The following ACACB variants were observed in gnomAD, a reference collection of about 807,000 sequenced individuals.
The protein encoded by ACACB is acetyl-CoA carboxylase 2.
A neutral mutation model predicts 278.8 loss-of-function variants in ACACB; 209 were observed. That is an observed-to-expected ratio of 0.75 (90% CI 0.67 to 0.84). The LOEUF (loss-of-function observed/expected upper bound fraction) is 0.84. Among genes scored for constraint, ACACB ranks in the 40% least tolerant of loss-of-function variants. The probability of loss-of-function intolerance (pLI) is 0.00; values close to 1 mark genes in which losing one functional copy is unlikely to be tolerated. For synonymous variants in ACACB, 1,174 were observed against 1,285.6 expected, an observed-to-expected ratio of 0.91 and a Z score of 1.86; for missense variants, 2,850 against 3,269.0, an observed-to-expected ratio of 0.87 and a Z score of 3.13.
At position 109,145,410 on chromosome 12, in the gene ACACB, T is replaced by A. The variant is rs1411522747; in HGVS notation, c.653+5352T>A. 2.6e-5 allele frequency among the ~76,000 whole-genome samples: 4 copies of A among 152,300 alleles called. No individual in the cohort carries two copies. In the East Asian group the frequency reaches 7.7e-4, roughly 29 times the overall value. On this transcript the variant is annotated intron_variant, in intron 2 of 52. Transcript: ENST00000338432. Reference sequence around the variant, plus strand: ...CTTTTACGAGCCATTGCTTGCATAGTGTACATTGTATCTATTAGGTAATTT... The same window carrying A: ...CTTTTACGAGCCATTGCTTGCATAGAGTACATTGTATCTATTAGGTAATTT...
chr12:109,260,309 C>T (rs770821080), intron 47 of ACACB, among the ~76,000 whole-genome samples, 171 bp from the exon 48 acceptor site: 16 of 152,120 alleles, frequency 1.1e-4, no homozygotes, highest in East Asian at 7.7e-4. Flanking sequence ...ATGACCTGTT[C>T]GAGGTCACAC....
In ACACB at chr12:109,222,566, G is replaced by A. The variant is rs757434963; in HGVS notation, c.3624G>A (p.Glu1208=). ...LSDELISILN[E]LTQLSKSEHC... Reference sequence around the variant, plus strand: ...ACGAGCTGATCTCCATCCTCAACGAGCTCACTCAGCTGAGCAAAAGCGAGC... The same window carrying A: ...ACGAGCTGATCTCCATCCTCAACGAACTCACTCAGCTGAGCAAAAGCGAGC... Residue 1208 remains glutamate, a synonymous_variant, in exon 25 of 53, where the codon GAG becomes GAA. Coordinates refer to ENST00000338432, the MANE Select transcript of ACACB (RefSeq NM_001093.4). The A allele has an allele frequency of 1.2e-6, 2 of 1,614,054 alleles. No individual in the cohort carries two copies. The highest frequency in any genetic ancestry group is 8.5e-7 in the Non-Finnish European group (1 of 1,180,038).
chr12:109,172,960 A>C (rs2044166462), intron 6 of ACACB, among the ~76,000 whole-genome samples: 1 of 152,240 alleles, frequency 6.6e-6, no homozygotes, highest in Admixed American at 6.5e-5. Context: ...AATGTGGTAC[A>C]TATACACCAT....
At chr12:109,247,167 C>T (rs1373254149) in intron 39 of ACACB, among the ~76,000 whole-genome samples, 1 of 151,686 alleles carries the variant, frequency 6.6e-6, no homozygotes, top group Non-Finnish European at 1.5e-5. Flanking sequence ...CGCACGCATT[C>T]TGTGATGTGA....
intron 22 of ACACB, among the ~76,000 whole-genome samples, chr12:109,216,364 G>A (rs947880019): frequency 4.0e-5 from 6 of 151,810 alleles, no homozygotes; most frequent in African/African-American, 1.5e-4. Flanking sequence ...TGGGACTACC[G>A]GCGCGTGCCA....
intron 2 of ACACB, among the ~76,000 whole-genome samples, chr12:109,162,935 T>C (rs934994885): frequency 6.6e-6 from 1 of 152,182 alleles, no homozygotes; most frequent in African/African-American, 2.4e-5. Flanking sequence ...TTTCTTTTTC[T>C]TTTTTGAGAT....
intron 7 of ACACB, among the ~76,000 whole-genome samples, chr12:109,174,468 T>C (rs2044217985): frequency 1.3e-5 from 2 of 151,912 alleles, no homozygotes; most frequent in South Asian, 4.1e-4. Context: ...AAATCATTCA[T>C]AATCCTATGA....
chr12:109,210,046 T>C (rs2045675371), intron 21 of ACACB, among the ~76,000 whole-genome samples: 1 of 95,350 alleles, frequency 1.0e-5, no homozygotes, highest in Admixed American at 1.0e-4. Context: ...TATATGTGTA[T>C]ATATACACAC....
intron 44 of ACACB, among the ~76,000 whole-genome samples, chr12:109,255,378 G>C (rs2047199455): frequency 6.6e-6 from 1 of 152,226 alleles, no homozygotes; most frequent in East Asian, 1.9e-4. Context: ...TCCAGCCAGT[G>C]CAAGGAGTCC....
intron 2 of ACACB, among the ~76,000 whole-genome samples, chr12:109,152,640 CTTTTTTT>C (rs34863094): frequency 0.081 from 6,104 of 74,898 alleles, 596 homozygotes; most frequent in African/African-American, 0.28. Context: ...TTCTTTCTTT[CTTTTTTT>C]TTTTTTTTTT....
At chr12:109,193,483 G>T (rs1031465609) in intron 15 of ACACB, among the ~76,000 whole-genome samples, 165 bp from the exon 16 acceptor site, 16 of 152,208 alleles carry the variant, frequency 1.1e-4, no homozygotes, top group Non-Finnish European at 2.2e-4. Flanking sequence ...CTCCCAAGGT[G>T]CAGGGATTAC....
intron 7 of ACACB, among the ~76,000 whole-genome samples, chr12:109,174,706 T>TAA (rs34920588): frequency 2.6e-4 from 37 of 145,012 alleles, no homozygotes; most frequent in South Asian, 8.8e-4. Context: ...CCAGAAAAAG[T>TAA]AAAAAAAAAA....
At chr12:109,215,070 T>C in intron 22 of ACACB, among the ~76,000 whole-genome samples, 1 of 150,632 alleles carries the variant, frequency 6.6e-6, no homozygotes, top group Non-Finnish European at 1.5e-5. Flanking sequence ...CACTCCAGCC[T>C]GGGTGGCAGA....
At chr12:109,114,859 A>C (rs999951441), upstream of ACACB, among the ~76,000 whole-genome samples, 1 of 152,004 alleles carries the variant, frequency 6.6e-6, no homozygotes. Flanking sequence ...CTATTTCTAA[A>C]ACAAAACAAA....
intron 34 of ACACB, among the ~76,000 whole-genome samples, chr12:109,238,867 A>G (rs2046715166): frequency 7.0e-6 from 1 of 143,364 alleles, no homozygotes; most frequent in African/African-American, 2.6e-5. Context: ...GCCTGGCCCT[A>G]TTGATGGATA....
intron 2 of ACACB, among the ~76,000 whole-genome samples, chr12:109,143,925 G>C (rs1283227368): frequency 6.6e-6 from 1 of 152,126 alleles, no homozygotes; most frequent in Non-Finnish European, 1.5e-5. Flanking sequence ...CACGCGTTTG[G>C]GGAGACTGAG....
intron 24 of ACACB, among the ~76,000 whole-genome samples, chr12:109,217,164 C>G (rs759161401): frequency 3.3e-5 from 5 of 152,146 alleles, no homozygotes; most frequent in Non-Finnish European, 5.9e-5. Flanking sequence ...TACCTGTAAT[C>G]CCAGCTACTT....
chr12:109,262,232 A>T, intron 48 of ACACB, 125 bp from the exon 49 acceptor site: 3 of 685,908 alleles, frequency 4.4e-6, no homozygotes. Flanking sequence ...GTGTGGGGGT[A>T]AAAGAGCTGA....
At chr12:109,160,761 G>C (rs2043697330) in intron 2 of ACACB, among the ~76,000 whole-genome samples, 1 of 152,166 alleles carries the variant, frequency 6.6e-6, no homozygotes, top group Non-Finnish European at 1.5e-5. Flanking sequence ...TGGAGATTGG[G>C]CCTGAAACAA....
Sources: allele counts gnomAD v4.1 joint callset (sites outside exome capture counted in the v4.1 genomes callset), GRCh38; gene constraint gnomAD v4.1.1; transcripts MANE v1.5; gene names NCBI Gene and HGNC (gene_info 2026-07-23, HGNC 2026-07-21).